Variants in DACH2 observed in about 807,000 individuals in gnomAD.
DACH2 encodes dachshund family transcription factor 2.
DACH2 carries 17 observed loss-of-function variants against 35.8 expected under a neutral mutation model. The ratio of observed to expected loss-of-function variants is 0.48; its 90% CI spans 0.33 to 0.71. DACH2 has a LOEUF of 0.71. Among genes scored for constraint, DACH2 ranks in the 30% least tolerant of loss-of-function variants. DACH2 has a pLI of 0.02. For synonymous variants in DACH2, 195 were observed against 177.3 expected (o/e 1.10, Z -0.79); for missense variants, 469 against 472.7 (o/e 0.99, Z 0.07).
At chrX:86,240,008 C>T (rs968324042) in intron 1 of DACH2, among the ~76,000 whole-genome samples, 3 of 111,686 alleles carry the variant, frequency 2.7e-5, no homozygotes, top group Admixed American at 9.5e-5. Flanking sequence ...GTAGAGGCCT[C>T]TGGCTGGGAA....
chrX:86,380,372 C>T (rs1451431109), intron 2 of DACH2, among the ~76,000 whole-genome samples: 2 of 110,091 alleles, frequency 1.8e-5, no homozygotes, highest in African/African-American at 6.6e-5. Flanking sequence ...TATTTTATAA[C>T]CGGCCAAATG....
intron 2 of DACH2, among the ~76,000 whole-genome samples, chrX:86,490,357 A>G (rs2148244880): frequency 9.0e-6 from 1 of 111,538 alleles, no homozygotes; most frequent in South Asian, 3.8e-4. Context: ...AATGTCATAG[A>G]GAAGAAAAGA....
At chrX:86,355,683 C>A (rs1265429669) in intron 1 of DACH2, among the ~76,000 whole-genome samples, 8 of 111,417 alleles carry the variant, frequency 7.2e-5, no homozygotes, top group African/African-American at 2.3e-4. Context: ...TGCGGGCCAC[C>A]ACACCCAGCC....
chrX:86,713,079 T>A (rs960115209), intron 5 of DACH2, among the ~76,000 whole-genome samples: 2 of 111,661 alleles, frequency 1.8e-5, no homozygotes, highest in African/African-American at 6.5e-5. Context: ...GGAAATGTAA[T>A]CCATTGATTG....
chrX:86,355,566 G>C (rs6524645), intron 1 of DACH2, among the ~76,000 whole-genome samples: 1 of 109,919 alleles, frequency 9.1e-6, no homozygotes, highest in Non-Finnish European at 1.9e-5. Context: ...ATCTCACTTC[G>C]TCACCCAGGC....
intron 1 of DACH2, among the ~76,000 whole-genome samples, chrX:86,238,030 C>T (rs2033091397): frequency 8.9e-6 from 1 of 112,248 alleles, no homozygotes; most frequent in Non-Finnish European, 1.9e-5. Flanking sequence ...TGTGTTAAAG[C>T]TCTTTCAACC....
chrX:86,631,832 A>AT (rs897889975), intron 3 of DACH2, among the ~76,000 whole-genome samples: 49 of 109,224 alleles, frequency 4.5e-4, no homozygotes, highest in South Asian at 7.8e-4. Context: ...GCAAGCCATC[A>AT]TTTTTTTTTC....
chrX:86,281,259 C>T (rs2034021848), intron 1 of DACH2, among the ~76,000 whole-genome samples: 2 of 111,422 alleles, frequency 1.8e-5, no homozygotes, highest in South Asian at 7.5e-4. Context: ...CAATAAAATA[C>T]TGGCAAACCA....
chrX:86,388,083 TG>T (rs1445443586), intron 2 of DACH2, among the ~76,000 whole-genome samples: 2 of 111,839 alleles, frequency 1.8e-5, no homozygotes, highest in Non-Finnish European at 3.8e-5. Flanking sequence ...AATTCTGTGG[TG>T]ATGTAAAATT....
intron 7 of DACH2, among the ~76,000 whole-genome samples, chrX:86,811,739 C>T (rs1335771802): frequency 9.0e-6 from 1 of 111,645 alleles, no homozygotes; most frequent in Non-Finnish European, 1.9e-5. Context: ...TTTTTACATA[C>T]GTAGTTACAG....
intron 2 of DACH2, among the ~76,000 whole-genome samples, chrX:86,464,609 C>G (rs190729089): frequency 6.5e-3 from 722 of 110,854 alleles, no homozygotes; most frequent in African/African-American, 0.023. Flanking sequence ...ATAGGTGCAG[C>G]AAACCACCAT....
In DACH2 at chrX:86,354,855, A is replaced by AAAC. The variant is rs1556036324; in HGVS notation, c.489-21967_489-21966insCAA. Among the ~76,000 whole-genome samples, 10 of 18,720 alleles carry AAAC rather than the reference A, an allele frequency of 5.3e-4. 5 individuals carry two copies. Among genetic ancestry groups the AAAC allele is most frequent in the African/African-American group, 3.4e-3 (10 of 2,908 alleles). The allele number at this position is 18,720 out of a possible 115,157, so 16.3% of individuals were successfully genotyped here. A position where few individuals can be genotyped will look rare whatever the true frequency, so the allele number is the denominator to read the frequency against. On this transcript the variant is annotated intron_variant, in intron 1 of 11. Transcript: ENST00000373125. ...AAATAAAAAAAAATAAATGAAAAAAAAAAACAAAACAAAACAAAATAAAAC... is the reference window on the plus strand; with the variant it reads ...AAATAAAAAAAAATAAATGAAAAAAAAACAAAACAAAACAAAACAAAATAAAAC...
At chrX:86,288,203 G>T (rs754650399) in intron 1 of DACH2, among the ~76,000 whole-genome samples, 2 of 112,160 alleles carry the variant, frequency 1.8e-5, no homozygotes, top group African/African-American at 3.2e-5. Context: ...TTAGGAGAGA[G>T]ATTTTTGTTC....
chrX:86,466,896 C>T (rs1437711753), intron 2 of DACH2, among the ~76,000 whole-genome samples: 2 of 110,990 alleles, frequency 1.8e-5, no homozygotes, highest in African/African-American at 3.3e-5. Context: ...GGCACCAAAT[C>T]CCCAGGCTGC....
rs769042920 is a variant in DACH2 at position 86,237,824 on chromosome X, C to A, written c.488+88716C>A. The stretch of plus-strand genomic sequence containing the variant: ...TGGCTGAACCAGGCCTAACCACAAG[C>A]AGCTTTCATGGCTGACACCAAGGAA... On this transcript the variant is annotated intron_variant, in intron 1 of 11. Coordinates refer to ENST00000373125, the MANE Select transcript of DACH2 (RefSeq NM_053281.3). 6.2e-5 allele frequency among the ~76,000 whole-genome samples: 7 copies of A among 112,086 alleles called. No homozygotes were observed. In the East Asian group the frequency reaches 2.0e-3, roughly 32 times the overall value.
In DACH2 at chrX:86,165,310, G is replaced by A. The variant is rs192230866; in HGVS notation, c.488+16202G>A. On this transcript the variant is annotated intron_variant, in intron 1 of 11. Coordinates refer to ENST00000373125, the MANE Select transcript of DACH2 (RefSeq NM_053281.3). ...AACAAGGGAGTGCAGGTATCTCTTC[G>A]ATATACTGATTTCCTTTCTTTTGTG... Among the ~76,000 whole-genome samples, 9 of 111,494 alleles carry A rather than the reference G, an allele frequency of 8.1e-5. No homozygotes were observed. In the East Asian group the frequency reaches 1.4e-3, roughly 18 times the overall value.
chrX:86,500,495 A>C (rs2038235145), intron 2 of DACH2, among the ~76,000 whole-genome samples: 1 of 112,079 alleles, frequency 8.9e-6, no homozygotes, highest in Non-Finnish European at 1.9e-5. Context: ...AAAACTGTAA[A>C]AAAAATGTCG....
chrX:86,698,518 TGTG>T (rs1199563236), intron 5 of DACH2, among the ~76,000 whole-genome samples: 64 of 66,154 alleles, frequency 9.7e-4, no homozygotes, highest in Non-Finnish European at 1.5e-3. Flanking sequence ...TTGTTAGTTT[TGTG>T]TTTTTTTTTT....
At chrX:86,673,808 T>G (rs1410551883) in intron 4 of DACH2, among the ~76,000 whole-genome samples, 1 of 111,235 alleles carries the variant, frequency 9.0e-6, no homozygotes, top group Non-Finnish European at 1.9e-5. Context: ...GTTCTTATGA[T>G]AGGGAGTGAG....
Sources: gnomAD v4.1 joint callset for allele counts (sites outside exome capture counted in the v4.1 genomes callset) on GRCh38, gnomAD v4.1.1 for gene constraint, MANE v1.5 for transcripts, NCBI Gene and HGNC (gene_info 2026-07-23, HGNC 2026-07-21) for gene names.